SLC7A3: variants seen among roughly 807,000 people sequenced by gnomAD.
SLC7A3 encodes the protein cationic amino acid transporter 3.
Under a neutral mutation model 33.2 loss-of-function variants are expected in SLC7A3, and 3 were observed. The ratio of observed to expected loss-of-function variants is 0.09; its 90% confidence interval spans 0.04 to 0.23. SLC7A3 has a LOEUF of 0.23. SLC7A3 is among the 10% of genes least tolerant of loss of function. The pLI is 1.00. For missense variants in SLC7A3, 360 were observed against 488.8 expected, an observed-to-expected ratio of 0.74 and a Z score of 2.48; for synonymous variants, 193 against 195.1, an observed-to-expected ratio of 0.99 and a Z score of 0.09.
chrX:70,927,195 G>A, intron 8 of SLC7A3, 87 bp downstream of exon 8: 1 of 1,078,222 alleles, frequency 9.3e-7, no homozygotes, highest in Non-Finnish European at 1.3e-6. Flanking sequence ...GAATAATGAA[G>A]GCGAAGGAGG....
Position 70,925,653 on chromosome X carries a change from G to A in SLC7A3, c.*160C>T. 1.8e-6 allele frequency: 1 copy of A among 562,213 alleles called. No homozygotes were observed. 46.3% of individuals were successfully genotyped at this position (562,213 alleles called of 1,213,427 possible). On this transcript the variant is annotated 3_prime_UTR_variant, in exon 12 of 12. Transcript: ENST00000374299. Reference sequence around the variant, plus strand: ...CTAGACATCATTTAGAAGCAGACGGGTTAAAATAGACAAGAAATAGCAAAG... The same window carrying A: ...CTAGACATCATTTAGAAGCAGACGGATTAAAATAGACAAGAAATAGCAAAG...
intron 7 of SLC7A3, 45 bp from the exon 8 acceptor site, chrX:70,927,429 C>G (rs777827049): frequency 9.1e-6 from 11 of 1,207,845 alleles, no homozygotes; most frequent in Non-Finnish European, 1.2e-5. Context: ...AAGGGAGTGG[C>G]AAAGTTAAAG....
chrX:70,929,949 G>A lies in SLC7A3; in HGVS notation c.49C>T (p.Arg17Cys), dbSNP rs373914218. 1 of 1,208,528 alleles carries A rather than the reference G, an allele frequency of 8.3e-7. No homozygotes were observed. The highest frequency in any genetic ancestry group is 1.1e-6 in the Non-Finnish European group (1 of 893,050). ...RRFGQKLVRR[R>C]TLESGMAETR... ...TCAGCCATGCCTGACTCCAGTGTAC[G>A]TCTGCGTACCAGCTTTTGACCAAAT... Residue 17 changes from arginine to cysteine, a missense_variant, in exon 2 of 12, where the codon CGT becomes TGT. By Grantham distance (180) the Arg-to-Cys change is radical. Coordinates refer to ENST00000374299, the MANE Select transcript of SLC7A3 (RefSeq NM_032803.6).
intron 1 of SLC7A3, among the ~76,000 whole-genome samples, chrX:70,930,227 G>A (rs2091907968): frequency 8.9e-6 from 1 of 111,867 alleles, no homozygotes; most frequent in Admixed American, 9.5e-5. Flanking sequence ...AAGGTTTTTG[G>A]AAGGGCTAAT....
intron 1 of SLC7A3, 125 bp from the exon 2 acceptor site, chrX:70,930,147 G>T: frequency 1.5e-6 from 1 of 649,773 alleles, no homozygotes; most frequent in Non-Finnish European, 2.3e-6. Flanking sequence ...GATATGGAAG[G>T]GACAAAGGCA....
At chrX:70,929,496 C>T (rs998561481) in intron 2 of SLC7A3, 132 bp downstream of exon 2, 2 of 792,685 alleles carry the variant, frequency 2.5e-6, no homozygotes, top group East Asian at 4.2e-5. Flanking sequence ...CCCCCCCAGA[C>T]CCCCAGCAAA....
chrX:70,927,947 C>T lies in SLC7A3; in HGVS notation c.894G>A (p.Ala298=), dbSNP rs763720538. The T allele has an allele frequency of 1.4e-5, 17 of 1,209,667 alleles. No homozygotes were observed. The highest frequency in any genetic ancestry group is 2.2e-5 in the Admixed American group (1 of 45,718). The change falls in exon 6 of 12, where the codon GCG becomes GCA. Residue 298 remains alanine, a synonymous_variant. Coordinates refer to ENST00000374299, the MANE Select transcript of SLC7A3 (RefSeq NM_032803.6). ...TGAGTGCAGAAGAGACAGCAAAATA[C>T]GCCAAAAAGCAGACAGACAGTGAGA... ...IVISLSVCFL[A]YFAVSSALTL... is the part of the protein sequence containing the mutation.
At chrX:70,926,222 C>T in intron 10 of SLC7A3, 44 bp from the exon 11 acceptor site, 1 of 1,092,143 alleles carries the variant, frequency 9.2e-7, no homozygotes, top group South Asian at 2.0e-5. Context: ...CACAGGTTGA[C>T]CTAGAAAGAG....
Position 70,929,933 on chromosome X carries a change from C to T in SLC7A3, c.65G>A (p.Gly22Asp), listed in dbSNP as rs1398084260. 3 of 1,210,187 alleles carry T rather than the reference C, an allele frequency of 2.5e-6. No individual in the cohort carries two copies. The highest frequency in any genetic ancestry group is 3.4e-6 in the Non-Finnish European group (3 of 895,093). ...KLVRRRTLES[G>D]MAETRLARCL... ...TCTGGCAAGGCGAGTCTCAGCCATG[C>T]CTGACTCCAGTGTACGTCTGCGTAC... The change falls in exon 2 of 12, where the codon GGC (glycine) becomes GAC (aspartate). Residue 22 changes from glycine (G) to aspartate (D), a missense_variant. Gly to Asp is a moderately conservative substitution (Grantham distance 94). Coordinates refer to ENST00000374299, the MANE Select transcript of SLC7A3 (RefSeq NM_032803.6).
rs754576829 is a variant in SLC7A3, at chrX:70,927,353, A to G, written c.1215T>C (p.Asp405=). ...TCCCAATTGACATGAGGTCCACAAG[A>G]TCAGTGAGTTTGAAGAGGAATGCCA... ...AFMAFLFKLT[D]LVDLMSIGTL... Residue 405 remains aspartate (D), a synonymous_variant, in exon 8 of 12, where the codon GAT becomes GAC. Coordinates refer to ENST00000374299, the MANE Select transcript of SLC7A3 (RefSeq NM_032803.6). 94 of 1,209,559 alleles carry G rather than the reference A, an allele frequency of 7.8e-5. No homozygotes were observed. The highest frequency in any genetic ancestry group is 9.9e-5 in the Non-Finnish European group (89 of 895,129).
Position 70,928,033 on chromosome X carries a change from C to A in SLC7A3, c.821-13G>T, listed in dbSNP as rs748350369. 8.3e-7 allele frequency: 1 copy of A among 1,204,076 alleles called. No homozygotes were observed. Among genetic ancestry groups the A allele is most frequent in the Non-Finnish European group, 1.1e-6 (1 of 890,815 alleles). The stretch of plus-strand genomic sequence containing the variant: ...TGGGCTTCTTCTCCTGAAGGAAGGG[C>A]GTAAGGTTCTAAATTAGGGAAGCAG... On this transcript the variant is annotated splice_polypyrimidine_tract_variant and intron_variant, in intron 5 of 11. Coordinates refer to ENST00000374299, the MANE Select transcript of SLC7A3 (RefSeq NM_032803.6).
In SLC7A3 at chrX:70,928,193, C is replaced by T; in HGVS notation, c.772G>A (p.Ala258Thr). Reference protein sequence around the residue: ...FGFEGILRGAATCFYAFVGFD... With the variant: ...FGFEGILRGATTCFYAFVGFD... Reference sequence around the variant, plus strand: ...CCAACAAATGCATAGAAACAGGTCGCTGCTCCACGGAGAATTCCCTCGAAG... The same window carrying T: ...CCAACAAATGCATAGAAACAGGTCGTTGCTCCACGGAGAATTCCCTCGAAG... Residue 258 changes from alanine (A) to threonine (T), a missense_variant, in exon 5 of 12, where the codon GCG becomes ACG. By Grantham distance (58) the Ala-to-Thr change is moderately conservative (BLOSUM62 0). Transcript: ENST00000374299. 8.3e-7 allele frequency: 1 copy of T among 1,211,837 alleles called. No homozygotes were observed. Among genetic ancestry groups the T allele is most frequent in the East Asian group, 3.0e-5 (1 of 33,848 alleles).
chrX:70,930,838 C>T (rs1333043344), intron 1 of SLC7A3, 139 bp downstream of exon 1: 4 of 112,053 alleles, frequency 3.6e-5, no homozygotes, highest in Non-Finnish European at 7.5e-5. Context: ...GGAGCCCTAA[C>T]TCCCGGGGCG....
intron 9 of SLC7A3, 31 bp from the exon 10 acceptor site, chrX:70,926,724 C>A (rs768429002): frequency 6.8e-6 from 8 of 1,175,056 alleles, no homozygotes; most frequent in Middle Eastern, 3.0e-4. Context: ...GACATCAAAA[C>A]CAACTCTTAA....
At position 70,926,916 on chromosome X, in the gene SLC7A3, G is replaced by A. The variant is rs766677040; in HGVS notation, c.1412C>T (p.Pro471Leu). 1.7e-6 allele frequency: 2 copies of A among 1,211,113 alleles called. No individual in the cohort carries two copies. Among genetic ancestry groups the A allele is most frequent in the Non-Finnish European group, 2.2e-6 (2 of 895,384 alleles). ...LFFPLNSIPTPLSGQIVYVCS... is the reference protein window; with the variant it reads ...LFFPLNSIPTLLSGQIVYVCS... Reference sequence around the variant, plus strand: ...AACATAGACAATTTGGCCAGAGAGTGGAGTGGGGATGGAGTTGAGTGGGAA... The same window carrying A: ...AACATAGACAATTTGGCCAGAGAGTAGAGTGGGGATGGAGTTGAGTGGGAA... Residue 471 changes from proline to leucine, a missense_variant, in exon 9 of 12, where the codon CCA becomes CTA. Coordinates refer to ENST00000374299, the MANE Select transcript of SLC7A3 (RefSeq NM_032803.6).
Position 70,928,171 on chromosome X carries a change from A to G in SLC7A3, c.794T>C (p.Val265Ala), listed in dbSNP as rs773086665. The change falls in exon 5 of 12, where the codon GTT becomes GCT. Residue 265 changes from valine (V) to alanine (A), a missense_variant. Transcript: ENST00000374299. ...RGAATCFYAFVGFDCIATTGE... is the reference protein window; with the variant it reads ...RGAATCFYAFAGFDCIATTGE... Reference sequence around the variant, plus strand: ...AGTGGTAGCAATACAGTCGAAACCAACAAATGCATAGAAACAGGTCGCTGC... The same window carrying G: ...AGTGGTAGCAATACAGTCGAAACCAGCAAATGCATAGAAACAGGTCGCTGC... 2 of 1,209,417 alleles carry G rather than the reference A, an allele frequency of 1.7e-6. No homozygotes were observed. The highest frequency in any genetic ancestry group is 3.5e-5 in the African/African-American group (2 of 57,138).
chrX:70,929,755 C>G lies in SLC7A3; in HGVS notation c.243G>C (p.Gly81=). The G allele has an allele frequency of 1.7e-6, 2 of 1,211,042 alleles. No homozygotes were observed. Among genetic ancestry groups the G allele is most frequent in the Non-Finnish European group, 1.1e-6 (1 of 895,181 alleles). Residue 81 remains glycine, a synonymous_variant, in exon 2 of 12, where the codon GGG becomes GGC. Coordinates refer to ENST00000374299, the MANE Select transcript of SLC7A3 (RefSeq NM_032803.6). ...GGGCACCAAACTCCGCATAGCACAG[C>G]CCAGCCAACACAGAAGACAGGGCAG... ...LVAALSSVLA[G]LCYAEFGARV...
At position 70,928,346 on chromosome X, in the gene SLC7A3, T is replaced by C. The variant is rs2091902048; in HGVS notation, c.708-89A>G. The C allele has an allele frequency of 4.5e-6, 5 of 1,103,096 alleles. No homozygotes were observed. In the Admixed American group the frequency reaches 1.3e-4, roughly 29 times the overall value. The allele number at this position is 1,103,096 out of a possible 1,213,427, so 90.9% of individuals were successfully genotyped here. A position where few individuals can be genotyped will look rare whatever the true frequency, so the allele number is the denominator to read the frequency against. On this transcript the variant is annotated intron_variant, in intron 4 of 11. Coordinates refer to ENST00000374299, the MANE Select transcript of SLC7A3 (RefSeq NM_032803.6). ...AATGCCAAACCAGTTAGCTAGGTCT[T>C]CAAAGCCCAGCCTCCCATTTTTTCC...
At chrX:70,929,030 G>T (rs2091904434) in intron 2 of SLC7A3, 28 bp from the exon 3 acceptor site, 2 of 1,197,612 alleles carry the variant, frequency 1.7e-6, no homozygotes, top group African/African-American at 3.5e-5. Flanking sequence ...GAAACATGTG[G>T]CCAAGTTCCC....
Sources: allele counts gnomAD v4.1 joint callset (sites outside exome capture counted in the v4.1 genomes callset), GRCh38; gene constraint gnomAD v4.1.1; transcripts MANE v1.5; gene names NCBI Gene and HGNC (gene_info 2026-07-23, HGNC 2026-07-21).